The following LMBR1 variants were observed in gnomAD, a reference collection of about 807,000 sequenced individuals.
LMBR1 encodes limb development membrane protein 1.
LMBR1 carries 52 observed loss-of-function variants against 73.9 expected under a neutral mutation model. The ratio of observed to expected loss-of-function variants is 0.70; its 90% CI spans 0.56 to 0.89. The LOEUF (loss-of-function observed/expected upper bound fraction) is 0.89. LMBR1 is among the 40% of genes least tolerant of loss of function. The pLI, the probability that LMBR1 is intolerant of heterozygous loss-of-function variation, is 0.00. For missense variants in LMBR1, 539 were observed against 579.8 expected (o/e 0.93, Z 0.72); for synonymous variants, 215 against 209.4 (o/e 1.03, Z -0.23).
chr7:156,882,076 A>C (rs570846755), intron 1 of LMBR1, among the ~76,000 whole-genome samples: 1 of 152,220 alleles, frequency 6.6e-6, no homozygotes, highest in South Asian at 2.1e-4. Context: ...AACAACCTAA[A>C]TGTCTATTAA....
At chr7:156,858,920 T>G (rs1039022352) in intron 1 of LMBR1, among the ~76,000 whole-genome samples, 2 of 152,064 alleles carry the variant, frequency 1.3e-5, no homozygotes, top group African/African-American at 4.8e-5. Context: ...TGATAAAGAA[T>G]GTCTACAAAA....
chr7:156,718,100 A>G (rs1252019463), intron 15 of LMBR1, among the ~76,000 whole-genome samples: 1 of 152,164 alleles, frequency 6.6e-6, no homozygotes, highest in Non-Finnish European at 1.5e-5. Context: ...CATATGTATT[A>G]TTAAGAATAC....
chr7:156,890,620 T>A (rs938490505), intron 1 of LMBR1, among the ~76,000 whole-genome samples: 1 of 152,140 alleles, frequency 6.6e-6, no homozygotes, highest in Non-Finnish European at 1.5e-5. Context: ...AAATGCAAAT[T>A]AAAATTATTT....
chr7:156,876,807 G>A (rs564572555), intron 1 of LMBR1, among the ~76,000 whole-genome samples: 2 of 152,220 alleles, frequency 1.3e-5, no homozygotes, highest in Admixed American at 1.3e-4. Flanking sequence ...AAACCTCTGG[G>A]AGACAGCAAA....
chr7:156,842,977 C>T (rs1047986758), intron 1 of LMBR1, among the ~76,000 whole-genome samples: 8 of 152,198 alleles, frequency 5.3e-5, no homozygotes, highest in African/African-American at 1.9e-4. Context: ...TCACCACTCA[C>T]TCCTTCCAGC....
At chr7:156,697,665 T>G (rs1808621241) in intron 15 of LMBR1, among the ~76,000 whole-genome samples, 2 of 152,242 alleles carry the variant, frequency 1.3e-5, no homozygotes, top group Admixed American at 1.3e-4. Flanking sequence ...ACATGGCTCT[T>G]TCTGCCCGAC....
chr7:156,787,777 T>C (rs1206122711), intron 5 of LMBR1, among the ~76,000 whole-genome samples: 1 of 152,224 alleles, frequency 6.6e-6, no homozygotes, highest in Non-Finnish European at 1.5e-5. Flanking sequence ...ACTGGATCTT[T>C]TTTTCTTTTA....
intron 8 of LMBR1, among the ~76,000 whole-genome samples, chr7:156,761,841 G>A (rs1823059421): frequency 6.6e-6 from 1 of 152,008 alleles, no homozygotes; most frequent in Non-Finnish European, 1.5e-5. Context: ...GCCGGGCAAG[G>A]TGGCAGGGGC....
chr7:156,858,277 C>T (rs1797253730), intron 1 of LMBR1, among the ~76,000 whole-genome samples: 2 of 151,758 alleles, frequency 1.3e-5, no homozygotes. Context: ...TCCACAGACA[C>T]CAAAAAAAAA....
intron 11 of LMBR1, 26 bp downstream of exon 11, chr7:156,728,613 CTTTTA>C (rs1816231903): frequency 6.7e-7 from 1 of 1,495,650 alleles, no homozygotes; most frequent in South Asian, 1.2e-5. Flanking sequence ...ATATAATTTG[CTTTTA>C]TTTAACTAGG....
At chr7:156,674,226 G>A (rs76505823), downstream of LMBR1, among the ~76,000 whole-genome samples, 3,386 of 152,280 alleles carry the variant, frequency 0.022, 91 homozygotes, top group African/African-American at 0.064. Flanking sequence ...TGTGGGGCTC[G>A]GGAACTGTCT....
intron 4 of LMBR1, among the ~76,000 whole-genome samples, chr7:156,801,861 G>T (rs1385759275): frequency 6.6e-6 from 1 of 152,122 alleles, no homozygotes; most frequent in Non-Finnish European, 1.5e-5. Flanking sequence ...TATGAGGGAA[G>T]GTCCCCCGTT....
intron 8 of LMBR1, among the ~76,000 whole-genome samples, chr7:156,760,997 T>C (rs1822872290): frequency 6.6e-6 from 1 of 152,224 alleles, no homozygotes; most frequent in South Asian, 2.1e-4. Context: ...ATGTAGACAG[T>C]GGAGCTGATA....
chr7:156,710,980 A>C (rs191512142), intron 15 of LMBR1, among the ~76,000 whole-genome samples: 6 of 152,202 alleles, frequency 3.9e-5, no homozygotes, highest in African/African-American at 1.4e-4. Context: ...TTAGCCAAGG[A>C]GGTGAAAGAT....
intron 4 of LMBR1, among the ~76,000 whole-genome samples, chr7:156,819,885 T>C (rs6957835): frequency 0.47 from 71,766 of 151,956 alleles, 17,206 homozygotes; most frequent in East Asian, 0.61. Context: ...AGAATCCCCA[T>C]ACTGATTTCC....
rs148167649 is a variant in LMBR1, at chr7:156,755,924, T to C, written c.757+469A>G. Among the ~76,000 whole-genome samples, 54 of 152,360 alleles carry C rather than the reference T, an allele frequency of 3.5e-4. No individual in the cohort carries two copies. In the East Asian group the frequency reaches 9.4e-3, roughly 27 times the overall value. On this transcript the variant is annotated intron_variant, in intron 9 of 16. Transcript: ENST00000353442. ...CTATTTTATACCTACTCTTGAATCA[T>C]GATTCTGAAATGCAGTTCGTTATTA...
At chr7:156,747,576 T>C (rs1314987540) in intron 9 of LMBR1, among the ~76,000 whole-genome samples, 1 of 152,176 alleles carries the variant, frequency 6.6e-6, no homozygotes, top group African/African-American at 2.4e-5. Flanking sequence ...GAAATACAAT[T>C]ATCTCCCTAA....
At chr7:156,836,930 C>A (rs1404481288) in intron 1 of LMBR1, 45 bp from the exon 2 acceptor site, 3 of 1,243,752 alleles carry the variant, frequency 2.4e-6, no homozygotes, top group East Asian at 5.2e-5. Flanking sequence ...TTTTGCATAT[C>A]TTTTTTAAAT....
chr7:156,734,013 T>G (rs1395390124), intron 10 of LMBR1, 164 bp downstream of exon 10: 2 of 477,174 alleles, frequency 4.2e-6, no homozygotes, highest in African/African-American at 3.9e-5. Context: ...AAATGTAAAC[T>G]TATCCTCTCC....
Sources: allele counts gnomAD v4.1 joint callset (sites outside exome capture counted in the v4.1 genomes callset), GRCh38; gene constraint gnomAD v4.1.1; transcripts MANE v1.5; gene names NCBI Gene and HGNC (gene_info 2026-07-23, HGNC 2026-07-21).